KCNC2: variants seen among roughly 807,000 people sequenced by gnomAD.
KCNC2 encodes the protein voltage-gated potassium channel KCNC2.
KCNC2 carries 21 observed loss-of-function variants against 44.5 expected under a neutral mutation model. The ratio of observed to expected loss-of-function variants is 0.47; its 90% CI spans 0.33 to 0.68. The LOEUF is 0.68. Ranked by LOEUF, KCNC2 falls within the 30% of genes least tolerant of loss-of-function variation. The pLI, the probability that KCNC2 is intolerant of heterozygous loss-of-function variation, is 0.01. For missense variants in KCNC2, 589 were observed against 826.2 expected (o/e 0.71, Z 3.52); for synonymous variants, 391 against 339.1 (o/e 1.15, Z -1.68).
intron 2 of KCNC2, among the ~76,000 whole-genome samples, chr12:75,174,896 G>A (rs1226850877): frequency 1.3e-5 from 2 of 151,878 alleles, no homozygotes; most frequent in African/African-American, 2.4e-5. Flanking sequence ...ATGGTTGAAA[G>A]GATAGCAAAA....
chr12:75,150,004 T>C (rs1890280293), intron 2 of KCNC2, among the ~76,000 whole-genome samples: 1 of 151,808 alleles, frequency 6.6e-6, no homozygotes, highest in South Asian at 2.1e-4. Context: ...CCAGAACTCT[T>C]TGGTATTTTG....
chr12:75,153,481 G>A (rs1414616614), intron 2 of KCNC2, among the ~76,000 whole-genome samples: 1 of 151,774 alleles, frequency 6.6e-6, no homozygotes, highest in Non-Finnish European at 1.5e-5. Flanking sequence ...GGGAGGGTGA[G>A]AAGGGGCTGA....
At chr12:75,196,856 G>C (rs1169134042) in intron 2 of KCNC2, among the ~76,000 whole-genome samples, 1 of 151,994 alleles carries the variant, frequency 6.6e-6, no homozygotes, top group Non-Finnish European at 1.5e-5. Flanking sequence ...ATCCATGAAA[G>C]TATTTTGAGA....
intron 2 of KCNC2, among the ~76,000 whole-genome samples, chr12:75,104,914 A>T (rs1385262820): frequency 6.6e-6 from 1 of 152,244 alleles, no homozygotes; most frequent in East Asian, 1.9e-4. Flanking sequence ...ATTAGTGGCA[A>T]TTATATCAGT....
chr12:75,069,129 C>CTTTT lies in KCNC2; in HGVS notation c.688-17816_688-17813dup, dbSNP rs1158151551. ...AAAAACAGTTTCAATTTTATATAATCTTTTTTTTTTTTTTTTTTTTTTGAG... is the reference window on the plus strand; with the variant it reads ...AAAAACAGTTTCAATTTTATATAATCTTTTTTTTTTTTTTTTTTTTTTTTTTGAG... On this transcript the variant is annotated intron_variant, in intron 2 of 4. Coordinates refer to ENST00000549446, the MANE Select transcript of KCNC2 (RefSeq NM_139137.4). Among the ~76,000 whole-genome samples the CTTTT allele has an allele frequency of 7.1e-4, 45 of 63,654 alleles. 3 individuals carry two copies. The highest frequency in any genetic ancestry group is 2.3e-3 in the African/African-American group (39 of 16,798). The allele number at this position is 63,654 out of a possible 152,430, so 41.8% of individuals were successfully genotyped here.
chr12:75,203,142 T>C (rs934010534), intron 2 of KCNC2, among the ~76,000 whole-genome samples: 4 of 151,804 alleles, frequency 2.6e-5, no homozygotes, highest in African/African-American at 9.7e-5. Flanking sequence ...TCCTTTAATC[T>C]TAATATATGA....
intron 2 of KCNC2, among the ~76,000 whole-genome samples, chr12:75,164,798 G>C (rs147549942): frequency 6.6e-6 from 1 of 151,548 alleles, no homozygotes; most frequent in East Asian, 1.9e-4. Context: ...ATCAAAAATC[G>C]TTGAACTAAA....
At chr12:75,203,278 G>T (rs921413259) in intron 2 of KCNC2, among the ~76,000 whole-genome samples, 1 of 151,610 alleles carries the variant, frequency 6.6e-6, no homozygotes. Flanking sequence ...GGAAAAAGTG[G>T]CCCATACAAA....
At position 75,165,226 on chromosome 12, in the gene KCNC2, C is replaced by T. The variant is rs1026559160; in HGVS notation, c.687+42071G>A. The stretch of plus-strand genomic sequence containing the variant: ...TGTATTTTATGTAAGCATACAAATG[C>T]ATAACTTTATGTAAATACATAAAAT... On this transcript the variant is annotated intron_variant, in intron 2 of 4. Coordinates refer to ENST00000549446, the MANE Select transcript of KCNC2 (RefSeq NM_139137.4). Among the ~76,000 whole-genome samples the T allele has an allele frequency of 2.0e-5, 3 of 151,004 alleles. No individual in the cohort carries two copies. In the South Asian group the frequency reaches 6.3e-4, roughly 32 times the overall value.
intron 2 of KCNC2, among the ~76,000 whole-genome samples, chr12:75,056,587 A>G (rs1370537227): frequency 6.6e-6 from 1 of 151,984 alleles, no homozygotes; most frequent in African/African-American, 2.4e-5. Flanking sequence ...AAAGAATTAC[A>G]AGAATTTTAA....
chr12:75,130,495 A>T (rs564708930), intron 2 of KCNC2, among the ~76,000 whole-genome samples: 1 of 152,192 alleles, frequency 6.6e-6, no homozygotes, highest in East Asian at 1.9e-4. Context: ...ACTAAGCTTT[A>T]TGCTAGCACC....
chr12:75,060,652 A>T (rs1471999386), intron 2 of KCNC2, among the ~76,000 whole-genome samples: 1 of 151,602 alleles, frequency 6.6e-6, no homozygotes, highest in African/African-American at 2.4e-5. Context: ...TTTTTTTTAA[A>T]TAGAGATGGG....
intron 4 of KCNC2, among the ~76,000 whole-genome samples, chr12:75,045,197 C>T (rs974081167): frequency 6.6e-6 from 1 of 152,086 alleles, no homozygotes; most frequent in South Asian, 2.1e-4. Context: ...TATACATCAT[C>T]ACACAGATTT....
intron 1 of KCNC2, 83 bp downstream of exon 1, chr12:75,209,123 GC>G (rs2137838933): frequency 6.6e-6 from 1 of 152,574 alleles, no homozygotes; most frequent in Admixed American, 6.5e-5. Context: ...GAAAGGCGGA[GC>G]GGGGGGATGC....
At position 75,187,981 on chromosome 12, in the gene KCNC2, C is replaced by T. The variant is rs544185117; in HGVS notation, c.687+19316G>A. 2.0e-4 allele frequency among the ~76,000 whole-genome samples: 31 copies of T among 152,250 alleles called. 1 individual carries two copies. Among genetic ancestry groups the T allele is most frequent in the Admixed American group, 9.2e-4 (14 of 15,286 alleles). On this transcript the variant is annotated intron_variant, in intron 2 of 4. Transcript: ENST00000549446. ...TTAAAATATACTAGGAACAGACTATCAACATGCAAACAATAGAAGTTGTAT... is the reference window on the plus strand; with the variant it reads ...TTAAAATATACTAGGAACAGACTATTAACATGCAAACAATAGAAGTTGTAT...
At chr12:75,138,158 G>A (rs1448987270) in intron 2 of KCNC2, among the ~76,000 whole-genome samples, 2 of 152,062 alleles carry the variant, frequency 1.3e-5, no homozygotes, top group African/African-American at 2.4e-5. Context: ...AGTATTTCTT[G>A]ACACCAGAGC....
chr12:75,050,133 T>C (rs1881007472), intron 3 of KCNC2, among the ~76,000 whole-genome samples: 1 of 151,726 alleles, frequency 6.6e-6, no homozygotes, highest in African/African-American at 2.4e-5. Context: ...AAAGAAAATA[T>C]TGGCACCATC....
Position 75,180,657 on chromosome 12 carries a change from G to C in KCNC2, c.687+26640C>G, listed in dbSNP as rs778076487. On this transcript the variant is annotated intron_variant, in intron 2 of 4. Transcript: ENST00000549446. The stretch of plus-strand genomic sequence containing the variant: ...ATTCAATTTGCAAGTATTCCATTTA[G>C]TAATATAGCATACTATATTTATAAG... Among the ~76,000 whole-genome samples, 79 of 151,508 alleles carry C rather than the reference G, an allele frequency of 5.2e-4. 1 individual carries two copies. Among genetic ancestry groups the C allele is most frequent in the Non-Finnish European group, 3.2e-4 (22 of 67,750 alleles).
In KCNC2 at chr12:75,042,464, A is replaced by G. The variant is rs565612938; in HGVS notation, c.*641T>C. The G allele has an allele frequency of 4.0e-6, 6 of 1,497,986 alleles. No individual in the cohort carries two copies. The highest frequency in any genetic ancestry group is 2.5e-5 in the East Asian group (1 of 39,844). The allele number at this position is 1,497,986 out of a possible 1,614,324, so 92.8% of individuals were successfully genotyped here. On this transcript the variant is annotated 3_prime_UTR_variant, in exon 5 of 5. Transcript: ENST00000549446. The stretch of plus-strand genomic sequence containing the variant: ...ATCAAGAAATTAAACTATTTAAAAC[A>G]TATATTTCTTTCAAATAATAAGAAA...
Sources: gnomAD v4.1 joint callset for allele counts (sites outside exome capture counted in the v4.1 genomes callset) on GRCh38, gnomAD v4.1.1 for gene constraint, MANE v1.5 for transcripts, NCBI Gene and HGNC (gene_info 2026-07-23, HGNC 2026-07-21) for gene names.